The following DUS2 variants were observed in gnomAD, a reference collection of about 807,000 sequenced individuals.
DUS2 encodes dihydrouridine synthase 2, also known as tRNA-dihydrouridine(20) synthase [NAD(P)+]-like.
DUS2 carries 52 observed loss-of-function variants against 71.3 expected under a neutral mutation model. The ratio of observed to expected loss-of-function variants is 0.73; its 90% CI spans 0.58 to 0.92. The LOEUF (loss-of-function observed/expected upper bound fraction) is 0.92. DUS2 is among the 40% of genes least tolerant of loss of function. The probability of loss-of-function intolerance (pLI) is 0.00; values close to 1 mark genes in which losing one functional copy is unlikely to be tolerated. For synonymous variants in DUS2, 204 were observed against 227.8 expected (o/e 0.90, Z 0.94); for missense variants, 558 against 622.6 (o/e 0.90, Z 1.10).
chr16:68,064,641 CG>C (rs1348802013), intron 8 of DUS2, among the ~76,000 whole-genome samples: 2 of 152,132 alleles, frequency 1.3e-5, no homozygotes, highest in Non-Finnish European at 2.9e-5. Context: ...CTGTCAGTCC[CG>C]CCCTTAAAAT....
chr16:68,061,019 A>G, intron 7 of DUS2, 47 bp from the exon 8 acceptor site: 10 of 1,597,098 alleles, frequency 6.3e-6, no homozygotes, highest in South Asian at 1.1e-5. Context: ...GGAGAGGGCC[A>G]TAGTGTCTCC....
At chr16:68,039,308 C>T in intron 3 of DUS2, among the ~76,000 whole-genome samples, 1 of 152,032 alleles carries the variant, frequency 6.6e-6, no homozygotes, top group East Asian at 1.9e-4. Flanking sequence ...AGGTATTTGA[C>T]TTGAAAATTA....
At chr16:68,047,484 ATTG>A (rs1189990435) in intron 3 of DUS2, among the ~76,000 whole-genome samples, 2 of 149,832 alleles carry the variant, frequency 1.3e-5, no homozygotes, top group South Asian at 2.1e-4. Flanking sequence ...TGTTGTTGTC[ATTG>A]TTGTTTTTTC....
intron 2 of DUS2, among the ~76,000 whole-genome samples, chr16:68,035,540 G>T (rs1184691363): frequency 6.6e-6 from 1 of 151,540 alleles, no homozygotes; most frequent in African/African-American, 2.4e-5. Flanking sequence ...ATGCCACCAT[G>T]CCTGGGTAAT....
chr16:68,048,217 C>T (rs1029071898), intron 3 of DUS2, among the ~76,000 whole-genome samples: 2 of 152,168 alleles, frequency 1.3e-5, no homozygotes, highest in Admixed American at 6.6e-5. Context: ...TGGAGATTTC[C>T]GTAAATACTT....
At chr16:68,049,054 A>T (rs2033742499) in intron 3 of DUS2, among the ~76,000 whole-genome samples, 1 of 151,906 alleles carries the variant, frequency 6.6e-6, no homozygotes, top group Non-Finnish European at 1.5e-5. Context: ...TCCTGTGTTC[A>T]TCTCAGATCT....
In DUS2 at chr16:68,078,769, C is replaced by A. The variant is rs770302263; in HGVS notation, c.1265C>A (p.Ala422Glu). The change falls in exon 17 of 17, where the codon GCG becomes GAG. Residue 422 changes from alanine to glutamate, a missense_variant. Ala to Glu is a moderately radical substitution (Grantham distance 107). Transcript: ENST00000565263. Reference protein sequence around the residue: ...STLWDKSKKLAEQAAAIVCLR... With the variant: ...STLWDKSKKLEEQAAAIVCLR... ...CTCAGGGACAAGTCCAAGAAACTGG[C>A]GGAGCAGGCTGCAGCCATCGTCTGT... The A allele has an allele frequency of 1.2e-6, 2 of 1,608,970 alleles. No homozygotes were observed. The highest frequency in any genetic ancestry group is 1.7e-6 in the Non-Finnish European group (2 of 1,176,682).
At chr16:68,054,474 G>A (rs1396196545) in intron 5 of DUS2, 100 bp from the exon 6 acceptor site, 1 of 1,273,566 alleles carries the variant, frequency 7.9e-7, no homozygotes, top group Non-Finnish European at 1.1e-6. Flanking sequence ...TTGTTGGTGT[G>A]TGGGGTGTGT....
At chr16:68,062,551 C>T (rs962453664) in intron 8 of DUS2, among the ~76,000 whole-genome samples, 1 of 151,514 alleles carries the variant, frequency 6.6e-6, no homozygotes, top group Non-Finnish European at 1.5e-5. Context: ...AACCCAGTCT[C>T]TACTAAAAAT....
intron 2 of DUS2, among the ~76,000 whole-genome samples, chr16:68,026,535 CTTTG>C (rs1189806901): frequency 6.6e-6 from 1 of 152,084 alleles, no homozygotes; most frequent in Non-Finnish European, 1.5e-5. Flanking sequence ...CCTACCTGCT[CTTTG>C]TTTTTTACCC....
chr16:68,041,865 A>G (rs1329232490), intron 3 of DUS2, among the ~76,000 whole-genome samples: 1 of 145,450 alleles, frequency 6.9e-6, no homozygotes, highest in African/African-American at 2.5e-5. Flanking sequence ...TTTTTTTCTT[A>G]TTGTGACAAA....
intron 7 of DUS2, among the ~76,000 whole-genome samples, chr16:68,057,984 C>A (rs887699043): frequency 6.6e-6 from 1 of 151,522 alleles, no homozygotes; most frequent in African/African-American, 2.4e-5. Context: ...GAAAGGCAGC[C>A]TTTAAACTTG....
intron 7 of DUS2, among the ~76,000 whole-genome samples, chr16:68,057,383 C>T (rs1391971780): frequency 6.7e-6 from 1 of 148,546 alleles, no homozygotes; most frequent in East Asian, 2.0e-4. Flanking sequence ...TCCCAGAAAG[C>T]CCAGAGGAGG....
At chr16:68,058,721 G>A (rs1379768303) in intron 7 of DUS2, among the ~76,000 whole-genome samples, 1 of 152,168 alleles carries the variant, frequency 6.6e-6, no homozygotes, top group African/African-American at 2.4e-5. Context: ...GATTTCCTCT[G>A]GGGAAGGAAA....
chr16:68,026,748 C>T (rs1325777114), intron 2 of DUS2, among the ~76,000 whole-genome samples: 1 of 151,962 alleles, frequency 6.6e-6, no homozygotes, highest in Non-Finnish European at 1.5e-5. Flanking sequence ...TGGTGGCAGG[C>T]ACCTGTAATC....
At chr16:68,031,846 C>A (rs1273012623) in intron 2 of DUS2, among the ~76,000 whole-genome samples, 1 of 152,090 alleles carries the variant, frequency 6.6e-6, no homozygotes, top group Non-Finnish European at 1.5e-5. Context: ...AGGTGCACAC[C>A]ACCATGCCTG....
chr16:68,044,400 T>C (rs945419730), intron 3 of DUS2, among the ~76,000 whole-genome samples: 10 of 150,428 alleles, frequency 6.6e-5, no homozygotes, highest in South Asian at 4.2e-4. Flanking sequence ...TAATTTCTTT[T>C]TTTTTTTTTT....
Position 68,032,482 on chromosome 16 carries a change from A to G in DUS2, c.-18-5524A>G, listed in dbSNP as rs150558281. 4.1e-3 allele frequency among the ~76,000 whole-genome samples: 624 copies of G among 152,318 alleles called. 3 individuals carry two copies. Among genetic ancestry groups the G allele is most frequent in the Non-Finnish European group, 7.0e-3 (475 of 68,034 alleles). On this transcript the variant is annotated intron_variant, in intron 2 of 16. Coordinates refer to ENST00000565263, the MANE Select transcript of DUS2 (RefSeq NM_017803.5). Reference sequence around the variant, plus strand: ...GTGTAACTGAGCTGCAGAGAAATGTAGGGTGTTTGGAAAGCATGGGACCAG... The same window carrying G: ...GTGTAACTGAGCTGCAGAGAAATGTGGGGTGTTTGGAAAGCATGGGACCAG...
rs765474996 is a variant in DUS2 at position 68,056,371 on chromosome 16, G to T, written c.316G>T (p.Asp106Tyr). 1.9e-6 allele frequency: 3 copies of T among 1,613,546 alleles called. No homozygotes were observed. Among genetic ancestry groups the T allele is most frequent in the Middle Eastern group, 1.7e-4 (1 of 6,056 alleles). ...ALAVARLVEN[D>Y]VAGIDVNMGC... ...TCCTTCATCCTTTTCCAGAGAAAAT[G>T]ATGTGGCTGGTATTGATGTCAACAT... Residue 106 changes from aspartate to tyrosine, a missense_variant, in exon 7 of 17, where the codon GAT becomes TAT. Transcript: ENST00000565263.
Sources: allele counts gnomAD v4.1 joint callset (sites outside exome capture counted in the v4.1 genomes callset), GRCh38; gene constraint gnomAD v4.1.1; transcripts MANE v1.5; gene names NCBI Gene and HGNC (gene_info 2026-07-23, HGNC 2026-07-21).